The following TMEM63B variants were observed in gnomAD, a reference collection of about 807,000 sequenced individuals.
TMEM63B encodes the protein mechanosensitive cation channel TMEM63B.
A neutral mutation model predicts 102.6 loss-of-function variants in TMEM63B; 23 were observed. The ratio of observed to expected loss-of-function variants is 0.22; its 90% CI spans 0.16 to 0.32. TMEM63B has a LOEUF of 0.32. Ranked by LOEUF, TMEM63B falls within the 10% of genes least tolerant of loss-of-function variation. TMEM63B has a pLI of 1.00. For synonymous variants in TMEM63B, 444 were observed against 437.0 expected (o/e 1.02, Z -0.20); for missense variants, 628 against 1,095.9 (o/e 0.57, Z 6.03).
intron 10 of TMEM63B, among the ~76,000 whole-genome samples, chr6:44,142,054 C>T (rs1238794804): frequency 2.0e-5 from 3 of 150,768 alleles, no homozygotes; most frequent in Admixed American, 6.6e-5. Context: ...CCCAGGAGGT[C>T]GAGGCTGCAG....
chr6:44,131,564 C>T (rs888275501), intron 1 of TMEM63B, among the ~76,000 whole-genome samples: 6 of 151,980 alleles, frequency 3.9e-5, no homozygotes, highest in African/African-American at 9.7e-5. Context: ...ACTGAAAATA[C>T]AAAAATTAGC....
chr6:44,131,262 T>C (rs1778226764), intron 1 of TMEM63B, among the ~76,000 whole-genome samples: 1 of 152,142 alleles, frequency 6.6e-6, no homozygotes, highest in Admixed American at 6.5e-5. Flanking sequence ...TTCTTGCCTT[T>C]CTCTCTGAAG....
At chr6:44,135,517 T>C in intron 4 of TMEM63B, 151 bp downstream of exon 4, 1 of 1,001,466 alleles carries the variant, frequency 1.0e-6, no homozygotes, top group Non-Finnish European at 1.4e-6. Flanking sequence ...GGCGGTGTGC[T>C]TTGCAGAGCA....
At chr6:44,147,968 C>A (rs970878568) in intron 12 of TMEM63B, among the ~76,000 whole-genome samples, 5 of 152,152 alleles carry the variant, frequency 3.3e-5, no homozygotes, top group Non-Finnish European at 7.4e-5. Flanking sequence ...ACAAAAAATA[C>A]AAAAATTAGC....
At chr6:44,146,455 T>G (rs1024050544) in intron 10 of TMEM63B, among the ~76,000 whole-genome samples, 4 of 150,450 alleles carry the variant, frequency 2.7e-5, no homozygotes, top group African/African-American at 9.8e-5. Flanking sequence ...GTGGGTTTTT[T>G]TGTCTTTTTT....
chr6:44,140,504 T>C, intron 9 of TMEM63B, 144 bp downstream of exon 9: 1 of 712,436 alleles, frequency 1.4e-6, no homozygotes, highest in East Asian at 2.7e-5. Context: ...TCCTGCAAGT[T>C]ACATAACCTC....
chr6:44,140,987 G>T, intron 9 of TMEM63B, 41 bp from the exon 10 acceptor site: 22 of 1,595,690 alleles, frequency 1.4e-5, no homozygotes, highest in Non-Finnish European at 1.9e-5. Flanking sequence ...GCTCCACTGG[G>T]GTCAAGCCTC....
At chr6:44,133,272 C>T (rs1762296455) in intron 1 of TMEM63B, among the ~76,000 whole-genome samples, 1 of 152,230 alleles carries the variant, frequency 6.6e-6, no homozygotes, top group Non-Finnish European at 1.5e-5. Flanking sequence ...TCCCCTCCAT[C>T]TGAGGGCTTC....
intron 1 of TMEM63B, among the ~76,000 whole-genome samples, chr6:44,128,184 A>AGGGCTC (rs1341079159): frequency 1.3e-5 from 2 of 152,066 alleles, no homozygotes; most frequent in Non-Finnish European, 2.9e-5. Flanking sequence ...GTCCGGGGTA[A>AGGGCTC]GGGCTCGGGC....
chr6:44,136,739 T>C (rs1763039961), intron 5 of TMEM63B, among the ~76,000 whole-genome samples: 1 of 152,224 alleles, frequency 6.6e-6, no homozygotes, highest in African/African-American at 2.4e-5. Context: ...GGCCACCTTT[T>C]TTCCGTAGTC....
At chr6:44,135,991 T>C (rs928921974) in intron 4 of TMEM63B, among the ~76,000 whole-genome samples, 4 of 152,136 alleles carry the variant, frequency 2.6e-5, no homozygotes, top group African/African-American at 9.7e-5. Context: ...CATTGCTCTT[T>C]GCATAATGTT....
intron 1 of TMEM63B, among the ~76,000 whole-genome samples, chr6:44,133,947 A>G (rs954951286): frequency 6.6e-6 from 1 of 152,238 alleles, no homozygotes; most frequent in East Asian, 1.9e-4. Flanking sequence ...GGGGCCAGGC[A>G]GGTAACTCAA....
chr6:44,140,803 G>C (rs1484075522), intron 9 of TMEM63B, among the ~76,000 whole-genome samples: 1 of 152,110 alleles, frequency 6.6e-6, no homozygotes, highest in Non-Finnish European at 1.5e-5. Context: ...TGGCTCTTTT[G>C]TTAGGCTCAC....
In TMEM63B at chr6:44,135,350, C is replaced by A. The variant is rs148306805; in HGVS notation, c.262C>A (p.Arg88=). 4.8e-4 allele frequency: 781 copies of A among 1,613,002 alleles called. 4 individuals carry two copies. In the African/African-American group the frequency reaches 9.4e-3, roughly 19 times the overall value. The change falls in exon 4 of 24, where the codon CGA becomes AGA. Residue 88 remains arginine (R), a synonymous_variant. Transcript: ENST00000323267. ...CAGGCTTCGGCGGCAGGAGAGGGAC[C>A]GAGTGGAACAGGAATAGTATGTGGG... ...ADRLRRQERD[R]VEQEYVASAM...
intron 23 of TMEM63B, 51 bp from the exon 24 acceptor site, chr6:44,154,641 A>G (rs143548647): frequency 9.9e-6 from 15 of 1,520,168 alleles, no homozygotes; most frequent in African/African-American, 9.7e-5. Context: ...TGTTCCCGCA[A>G]TCCATGAGGG....
chr6:44,127,450 G>A (rs957967025), upstream of TMEM63B: 2 of 151,846 alleles, frequency 1.3e-5, no homozygotes, highest in Non-Finnish European at 2.9e-5. Context: ...CAGCCCGGCG[G>A]ACGCGATCTG....
Position 44,152,029 on chromosome 6 carries a change from A to T in TMEM63B, c.1836+21A>T, listed in dbSNP as rs1442101964. ...AGCGGGTACGGCCGCCTGGGGCAGC[A>T]GCGGCCCGCACAGCGCCCCCTGGTG... is the stretch of plus-strand genomic sequence containing the variant. On this transcript the variant is annotated intron_variant, in intron 19 of 23. Coordinates refer to ENST00000323267, the MANE Select transcript of TMEM63B (RefSeq NM_018426.3). This position sits in a 1 kb window ranked among gnomAD's most constrained non-coding sequence, Gnocchi z 6.4. The T allele has an allele frequency of 1.9e-6, 3 of 1,582,052 alleles. No individual in the cohort carries two copies. The highest frequency in any genetic ancestry group is 2.7e-5 in the African/African-American group (2 of 73,680).
chr6:44,149,592 G>A (rs1487559270), intron 15 of TMEM63B, among the ~76,000 whole-genome samples: 1 of 152,158 alleles, frequency 6.6e-6, no homozygotes, highest in African/African-American at 2.4e-5. Context: ...GCATTATTGT[G>A]AGGATTAAGA....
chr6:44,138,872 A>G, intron 6 of TMEM63B: 1 of 319,820 alleles, frequency 3.1e-6, no homozygotes, highest in Non-Finnish European at 6.1e-6. Context: ...AACTCAGGAG[A>G]TCCAGCCAGA....
Sources: gnomAD v4.1 joint callset for allele counts (sites outside exome capture counted in the v4.1 genomes callset) on GRCh38, gnomAD v4.1.1 for gene constraint, Gnocchi (gnomAD v3.1) non-coding constraint, MANE v1.5 for transcripts, NCBI Gene and HGNC (gene_info 2026-07-23, HGNC 2026-07-21) for gene names.